The following ANKRD36C variants were observed in gnomAD, a reference collection of about 807,000 sequenced individuals.
ANKRD36C encodes the protein ankyrin repeat domain-containing protein 36C.
A neutral mutation model predicts 276.4 loss-of-function variants in ANKRD36C; 61 were observed. The ratio of observed to expected loss-of-function variants is 0.22; its 90% CI spans 0.18 to 0.27. ANKRD36C has a LOEUF of 0.27. ANKRD36C is among the 10% of genes least tolerant of loss of function. The pLI is 1.00. For synonymous variants in ANKRD36C, 483 were observed against 680.1 expected, an observed-to-expected ratio of 0.71 and a Z score of 4.51; for missense variants, 1,447 against 2,032.3, an observed-to-expected ratio of 0.71 and a Z score of 5.54.
At chr2:95,853,598 T>C in intron 64 of ANKRD36C, 111 bp downstream of exon 84, 1 of 1,093,376 alleles carries the variant, frequency 9.1e-7, no homozygotes, top group South Asian at 1.6e-5. Context: ...ACATTAATTA[T>C]CATAAAAATA....
At chr2:95,919,175 A>G (rs1677198173) in intron 34 of ANKRD36C, among the ~76,000 whole-genome samples, 1 of 134,626 alleles carries the variant, frequency 7.4e-6, no homozygotes, top group South Asian at 2.3e-4. Context: ...TTCCAAATGC[A>G]AGTGAAGTGA....
At chr2:95,911,638 G>C (rs915064483) in intron 42 of ANKRD36C, among the ~76,000 whole-genome samples, 1 of 151,432 alleles carries the variant, frequency 6.6e-6, no homozygotes, top group Non-Finnish European at 1.5e-5. Flanking sequence ...ACTGTTTCCT[G>C]CTTCCAGCAG....
chr2:95,882,126 C>T (rs1376719426), intron 56 of ANKRD36C, among the ~76,000 whole-genome samples, 176 bp downstream of exon 76: 1 of 149,196 alleles, frequency 6.7e-6, no homozygotes, highest in Non-Finnish European at 1.5e-5. Context: ...TTACTAAGAT[C>T]ATGGCCAAGG....
chr2:95,975,538 A>C (rs1199955203), intron 6 of ANKRD36C, among the ~76,000 whole-genome samples: 1 of 152,202 alleles, frequency 6.6e-6, no homozygotes, highest in Non-Finnish European at 1.5e-5. Context: ...AGGATTCCCT[A>C]TTTAATAAAT....
intron 16 of ANKRD36C, 33 bp downstream of exon 16, chr2:95,950,716 A>C: frequency 1.3e-6 from 2 of 1,533,640 alleles, no homozygotes; most frequent in Non-Finnish European, 1.7e-6. Context: ...CACTTAGTTA[A>C]CATATCACTT....
exon 53 of ANKRD36C, chr2:95,884,351 G>T: frequency 2.5e-6 from 4 of 1,610,820 alleles, no homozygotes; most frequent in Non-Finnish European, 3.4e-6. Flanking sequence ...TTCAAGGCTG[G>T]TTGTCTCTGA....
chr2:95,856,456 C>G (rs1231507377), intron 62 of ANKRD36C, among the ~76,000 whole-genome samples: 1 of 152,008 alleles, frequency 6.6e-6, no homozygotes, highest in Non-Finnish European at 1.5e-5. Flanking sequence ...AAGGCTTTTA[C>G]TGAATTACAA....
intron 59 of ANKRD36C, among the ~76,000 whole-genome samples, chr2:95,868,764 TAGA>T (rs1482971590): frequency 1.3e-5 from 2 of 150,668 alleles, no homozygotes; most frequent in Admixed American, 1.3e-4. Flanking sequence ...TTTGTCAAAT[TAGA>T]AGGTTTTTAC....
intron 26 of ANKRD36C, 108 bp downstream of exon 26, chr2:95,928,964 T>A (rs531702053): frequency 1.4e-4 from 207 of 1,531,806 alleles, no homozygotes; most frequent in Non-Finnish European, 1.7e-4. Context: ...TCAGGCATAC[T>A]GAATCAGAAC....
intron 60 of ANKRD36C, among the ~76,000 whole-genome samples, chr2:95,864,023 C>G (rs1675636728): frequency 6.6e-6 from 1 of 151,922 alleles, no homozygotes; most frequent in African/African-American, 2.4e-5. Context: ...GCAACTACCA[C>G]TATGGTGAAG....
chr2:95,896,915 A>G (rs1211501552), intron 44 of ANKRD36C, among the ~76,000 whole-genome samples: 1 of 148,572 alleles, frequency 6.7e-6, no homozygotes, highest in African/African-American at 2.5e-5. Flanking sequence ...TCTTGGCAGT[A>G]CGATCTGAAG....
At chr2:95,871,408 G>A (rs1675808545) in intron 59 of ANKRD36C, among the ~76,000 whole-genome samples, 1 of 152,010 alleles carries the variant, frequency 6.6e-6, no homozygotes, top group African/African-American at 2.4e-5. Flanking sequence ...TTCATATCCT[G>A]CCAAACTAAG....
chr2:95,892,381 T>C (rs371639203), intron 44 of ANKRD36C, among the ~76,000 whole-genome samples: 3 of 151,626 alleles, frequency 2.0e-5, no homozygotes, highest in South Asian at 4.2e-4. Context: ...GTGTGCTAAA[T>C]TGATCACTTT....
chr2:95,908,111 G>A (rs1043542888), intron 42 of ANKRD36C, among the ~76,000 whole-genome samples: 20 of 150,540 alleles, frequency 1.3e-4, no homozygotes, highest in African/African-American at 4.9e-4. Flanking sequence ...GTGTCTACGG[G>A]TTGTTACAAC....
intron 34 of ANKRD36C, 74 bp downstream of exon 34, chr2:95,921,533 C>A: frequency 6.5e-7 from 1 of 1,542,692 alleles, no homozygotes. Context: ...CTGCCCTCCA[C>A]TGATTTATTC....
exon 17 of ANKRD36C, chr2:95,948,575 A>C (rs1251451553): frequency 2.0e-6 from 3 of 1,535,894 alleles, no homozygotes; most frequent in Non-Finnish European, 2.6e-6. Context: ...CCTGTGCAAA[A>C]CGGTCCAGTA....
At chr2:95,851,184 C>T (rs1204890095) in exon 67 of ANKRD36C, 2 of 1,556,514 alleles carry the variant, frequency 1.3e-6, no homozygotes, top group South Asian at 1.2e-5. Context: ...AGCTCTCAAA[C>T]ACCTGCAGCA....
intron 24 of ANKRD36C, among the ~76,000 whole-genome samples, chr2:95,934,465 G>A (rs913994937): frequency 1.3e-5 from 2 of 152,112 alleles, no homozygotes; most frequent in Admixed American, 6.6e-5. Flanking sequence ...AGACACGGAT[G>A]AAGCCTGAAA....
rs187082161 is a variant in ANKRD36C at position 95,985,215 on chromosome 2, G to C, written c.486+1536C>G. On this transcript the variant is annotated intron_variant, in intron 3 of 66. Coordinates refer to ENST00000456556, the Ensembl canonical transcript of ANKRD36C. ...GGCAAAGAAAAGGTGTTATTCTCAT[G>C]CTGATAGATACTGCAAATAATAGTC... Among the ~76,000 whole-genome samples the C allele has an allele frequency of 5.3e-5, 8 of 152,340 alleles. No individual in the cohort carries two copies. The East Asian group carries it at 1.5e-3, about 29-fold the overall frequency.
Sources: allele counts gnomAD v4.1 joint callset (sites outside exome capture counted in the v4.1 genomes callset), GRCh38; gene constraint gnomAD v4.1.1; transcripts MANE v1.5; gene names NCBI Gene and HGNC (gene_info 2026-07-23, HGNC 2026-07-21).